The following DGKK variants were observed in gnomAD, a reference collection of about 807,000 sequenced individuals.
DGKK encodes the protein diacylglycerol kinase kappa.
In DGKK, 35 loss-of-function variants were observed where a neutral mutation model predicts 92.2. The ratio of observed to expected loss-of-function variants is 0.38; its 90% CI spans 0.29 to 0.50. DGKK has a LOEUF of 0.50. Among genes scored for constraint, DGKK ranks in the 20% least tolerant of loss-of-function variants. DGKK has a pLI of 0.92. For missense variants in DGKK, 910 were observed against 992.2 expected, an observed-to-expected ratio of 0.92 and a Z score of 1.11; for synonymous variants, 368 against 360.6, an observed-to-expected ratio of 1.02 and a Z score of -0.23.
At chrX:50,468,150 T>A (rs112383312) in intron 1 of DGKK, among the ~76,000 whole-genome samples, 3,054 of 112,022 alleles carry the variant, frequency 0.027, 89 homozygotes, top group African/African-American at 0.092. Context: ...TGTCTGGCAA[T>A]GACATTTTCC....
At chrX:50,380,110 G>A in intron 18 of DGKK, 33 bp from the exon 19 acceptor site, 1 of 1,072,330 alleles carries the variant, frequency 9.3e-7, no homozygotes, top group Non-Finnish European at 1.3e-6. Context: ...AAAGCAGAGG[G>A]TGAATGATAT....
intron 21 of DGKK, 71 bp from the exon 22 acceptor site, chrX:50,378,303 A>G: frequency 2.8e-6 from 3 of 1,055,179 alleles, no homozygotes; most frequent in Non-Finnish European, 3.9e-6. Context: ...TGATAATCTC[A>G]TAGTTATGGC....
intron 4 of DGKK, among the ~76,000 whole-genome samples, chrX:50,406,417 C>T (rs1392438266): frequency 1.8e-5 from 2 of 111,515 alleles, no homozygotes; most frequent in Non-Finnish European, 3.8e-5. Flanking sequence ...ATGAATGTGA[C>T]CTTACTTGGA....
intron 25 of DGKK, among the ~76,000 whole-genome samples, chrX:50,373,658 G>A (rs1165233509): frequency 8.9e-6 from 1 of 112,309 alleles, no homozygotes; most frequent in Admixed American, 9.4e-5. Flanking sequence ...CCTGTGCAGT[G>A]TGCCAATTAG....
At chrX:50,380,391 A>C (rs1315828481) in intron 18 of DGKK, among the ~76,000 whole-genome samples, 1 of 111,383 alleles carries the variant, frequency 9.0e-6, no homozygotes, top group Non-Finnish European at 1.9e-5. Flanking sequence ...AAAAGCTATG[A>C]GCGTAGCTGG....
Position 50,368,645 on chromosome X carries a change from C to A in DGKK, c.*295G>T. 1 of 229,783 alleles carries A rather than the reference C, an allele frequency of 4.4e-6. No individual in the cohort carries two copies. 18.9% of individuals were successfully genotyped at this position (229,783 alleles called of 1,213,427 possible). A position where few individuals can be genotyped will look rare whatever the true frequency, so the allele number is the denominator to read the frequency against. ...GAACTCCCTTGAATCCTTTATAGAT[C>A]CCAGGCCATTCATAAAGAGCTTATC... is the stretch of plus-strand genomic sequence containing the variant. On this transcript the variant is annotated 3_prime_UTR_variant, in exon 28 of 28. Coordinates refer to ENST00000611977, the MANE Select transcript of DGKK (RefSeq NM_001013742.4).
intron 1 of DGKK, among the ~76,000 whole-genome samples, chrX:50,461,723 C>A (rs1926751576): frequency 8.9e-6 from 1 of 112,034 alleles, no homozygotes; most frequent in African/African-American, 3.2e-5. Flanking sequence ...ACTGTAGAAT[C>A]CTCAGTGGTT....
chrX:50,469,315 G>T (rs1279149412), intron 1 of DGKK, among the ~76,000 whole-genome samples: 3 of 112,419 alleles, frequency 2.7e-5, no homozygotes, highest in African/African-American at 9.7e-5. Context: ...GCGCAACATT[G>T]TATCACTGCG....
chrX:50,423,613 C>T (rs1925658792), intron 2 of DGKK, among the ~76,000 whole-genome samples: 1 of 111,665 alleles, frequency 9.0e-6, no homozygotes, highest in South Asian at 3.8e-4. Flanking sequence ...GTGGAATGTG[C>T]AAGTATCGAG....
At chrX:50,465,804 A>G (rs782673078) in intron 1 of DGKK, among the ~76,000 whole-genome samples, 1 of 110,839 alleles carries the variant, frequency 9.0e-6, no homozygotes, top group Non-Finnish European at 1.9e-5. Flanking sequence ...ACAATAGAAA[A>G]TTCAATCATT....
rs59226442 is a variant in DGKK, at chrX:50,422,597, A to AACACACACAC, written c.757-81_757-72dup. The AACACACACAC allele has an allele frequency of 3.6e-3, 1,250 of 350,638 alleles. 24 individuals carry two copies. Among genetic ancestry groups the AACACACACAC allele is most frequent in the African/African-American group, 0.033 (1,011 of 31,015 alleles). The allele number at this position is 350,638 out of a possible 1,213,427, so 28.9% of individuals were successfully genotyped here. A position where few individuals can be genotyped will look rare whatever the true frequency, so the allele number is the denominator to read the frequency against. On this transcript the variant is annotated intron_variant, in intron 2 of 27. Coordinates refer to ENST00000611977, the MANE Select transcript of DGKK (RefSeq NM_001013742.4). ...TGATGCAAAGAGACATTAAAAGGTA[A>AACACACACAC]ACACACACACACACACACACACACA... is the stretch of plus-strand genomic sequence containing the variant.
chrX:50,382,573 G>A lies in DGKK; in HGVS notation c.2580C>T (p.Asn860=), dbSNP rs782230209. 2 of 1,209,597 alleles carry A rather than the reference G, an allele frequency of 1.7e-6. No individual in the cohort carries two copies. Among genetic ancestry groups the A allele is most frequent in the East Asian group, 5.9e-5 (2 of 33,800 alleles). Residue 860 remains asparagine (N), a synonymous_variant, in exon 18 of 28, where the codon AAC becomes AAT. Coordinates refer to ENST00000611977, the MANE Select transcript of DGKK (RefSeq NM_001013742.4). The part of the protein sequence containing the change: ...IRFKEKCVMN[N]YFGIGLDAKI... ...TAGCATCCAGTCCAATTCCGAAGTAGTTGTTCATGACACATTTTTCTTTGA... is the reference window on the plus strand; with the variant it reads ...TAGCATCCAGTCCAATTCCGAAGTAATTGTTCATGACACATTTTTCTTTGA...
chrX:50,401,224 G>GA, intron 7 of DGKK, 85 bp from the exon 8 acceptor site: 1 of 849,798 alleles, frequency 1.2e-6, no homozygotes, highest in Non-Finnish European at 1.7e-6. Context: ...CCAATACCAA[G>GA]ATTTAGATTC....
rs1557226561 is a variant in DGKK at position 50,401,014 on chromosome X, G to A, written c.1411+23C>T. The A allele has an allele frequency of 5.1e-6, 6 of 1,169,603 alleles. No individual in the cohort carries two copies. In the Admixed American group the frequency reaches 1.4e-4, roughly 28 times the overall value. ...TTCCCTACATGCCCAATGTGCTTCT[G>A]AGGTTAAGATTTAACTACTCACCAT... On this transcript the variant is annotated intron_variant, in intron 8 of 27. Transcript: ENST00000611977.
intron 8 of DGKK, 38 bp downstream of exon 8, chrX:50,400,999 G>A (rs1924987737): frequency 1.8e-6 from 2 of 1,125,096 alleles, no homozygotes; most frequent in Non-Finnish European, 2.4e-6. Context: ...TTCCCTACAT[G>A]CCCAATGTGC....
chrX:50,384,928 T>C (rs945893102), intron 15 of DGKK, 104 bp from the exon 16 acceptor site: 23 of 564,751 alleles, frequency 4.1e-5, no homozygotes, highest in Admixed American at 3.1e-4. Context: ...TAATTACACT[T>C]ATTGAACATT....
At chrX:50,440,574 G>A (rs1926147552) in intron 1 of DGKK, among the ~76,000 whole-genome samples, 1 of 111,661 alleles carries the variant, frequency 9.0e-6, no homozygotes, top group Admixed American at 9.5e-5. Context: ...TAGATGTAGA[G>A]TTATACAGTG....
chrX:50,393,936 C>G (rs1212705064), intron 8 of DGKK, among the ~76,000 whole-genome samples: 2 of 112,298 alleles, frequency 1.8e-5, no homozygotes, highest in African/African-American at 6.5e-5. Context: ...TGTTATCTCA[C>G]CAACTTCCCT....
At chrX:50,395,628 T>C (rs1924830062) in intron 8 of DGKK, among the ~76,000 whole-genome samples, 1 of 111,168 alleles carries the variant, frequency 9.0e-6, no homozygotes, top group Admixed American at 9.6e-5. Context: ...ATTCAAAAAC[T>C]TAAATTAGTT....
Sources: allele counts gnomAD v4.1 joint callset (sites outside exome capture counted in the v4.1 genomes callset), GRCh38; gene constraint gnomAD v4.1.1; transcripts MANE v1.5; gene names NCBI Gene and HGNC (gene_info 2026-07-23, HGNC 2026-07-21).